CCDC146: variants seen among roughly 807,000 people sequenced by gnomAD.
CCDC146 encodes coiled-coil domain containing 146.
CCDC146 carries 92 observed loss-of-function variants against 119.3 expected under a neutral mutation model. That is an observed-to-expected ratio of 0.77 (90% CI 0.65 to 0.92). The LOEUF (loss-of-function observed/expected upper bound fraction) is 0.92. Among genes scored for constraint, CCDC146 ranks in the 40% least tolerant of loss-of-function variants. The pLI is 0.00. For synonymous variants in CCDC146, 372 were observed against 371.8 expected (o/e 1.00, Z -0.01); for missense variants, 1,000 against 1,103.0 (o/e 0.91, Z 1.32).
At chr7:77,158,678 C>A (rs547699616) in intron 1 of CCDC146, among the ~76,000 whole-genome samples, 106 of 152,112 alleles carry the variant, frequency 7.0e-4, no homozygotes, top group African/African-American at 2.5e-3. Flanking sequence ...CACCACCATG[C>A]CCGGCTAATT....
intron 2 of CCDC146, among the ~76,000 whole-genome samples, chr7:77,186,338 A>G (rs1453891951): frequency 6.6e-6 from 1 of 152,174 alleles, no homozygotes; most frequent in Non-Finnish European, 1.5e-5. Flanking sequence ...ATCATTTGCA[A>G]CAACATGGAT....
At chr7:77,219,734 A>G (rs1047079805) in intron 2 of CCDC146, among the ~76,000 whole-genome samples, 4 of 152,238 alleles carry the variant, frequency 2.6e-5, no homozygotes, top group Non-Finnish European at 5.9e-5. Context: ...TACAAAAGAA[A>G]GAAATTTTAC....
chr7:77,223,303 T>G (rs1016280799), intron 2 of CCDC146, among the ~76,000 whole-genome samples: 2 of 152,202 alleles, frequency 1.3e-5, no homozygotes, highest in Non-Finnish European at 2.9e-5. Flanking sequence ...TTTTATTTAT[T>G]TATCTTAAAA....
At position 77,152,935 on chromosome 7, in the gene CCDC146, C is replaced by T. The variant is rs147824955; in HGVS notation, c.-11-14723C>T. On this transcript the variant is annotated intron_variant, in intron 1 of 18. Coordinates refer to ENST00000285871, the MANE Select transcript of CCDC146 (RefSeq NM_020879.3). ...CATGCATTGTCCAATTTAATCCTCACAATAACACTGAAATCATCTTGCAGT... is the reference window on the plus strand; with the variant it reads ...CATGCATTGTCCAATTTAATCCTCATAATAACACTGAAATCATCTTGCAGT... Among the ~76,000 whole-genome samples, 552 of 152,304 alleles carry T rather than the reference C, an allele frequency of 3.6e-3. 3 individuals are homozygous for T. The highest frequency in any genetic ancestry group is 0.013 in the African/African-American group (542 of 41,560).
Position 77,286,845 on chromosome 7 carries a change from A to G in CCDC146, c.2196A>G (p.Val732=). ...DRIKDLEKQF[V]KPDGENRARF... is the part of the protein sequence containing the mutation. ...TTAAAGACCTGGAGAAACAGTTCGT[A>G]AAGCCTGATGGTGAGAATAGAGCTC... Residue 732 remains valine (V), a synonymous_variant, in exon 16 of 19, where the codon GTA becomes GTG. Transcript: ENST00000285871. 6.2e-7 allele frequency: 1 copy of G among 1,613,946 alleles called. No individual in the cohort carries two copies. The highest frequency in any genetic ancestry group is 8.5e-7 in the Non-Finnish European group (1 of 1,179,774).
intron 2 of CCDC146, among the ~76,000 whole-genome samples, chr7:77,208,415 A>G (rs752086505): frequency 1.3e-5 from 2 of 152,212 alleles, no homozygotes; most frequent in Non-Finnish European, 2.9e-5. Flanking sequence ...AAATCTGTAC[A>G]GTGTGCTAGC....
chr7:77,206,673 A>G (rs1202428432), intron 2 of CCDC146, among the ~76,000 whole-genome samples: 6 of 146,174 alleles, frequency 4.1e-5, no homozygotes, highest in Non-Finnish European at 7.5e-5. Flanking sequence ...ATATATATAT[A>G]CACACACACA....
rs367904177 is a variant in CCDC146, at chr7:77,148,949, T to C, written c.-11-18709T>C. 1.7e-3 allele frequency among the ~76,000 whole-genome samples: 260 copies of C among 152,298 alleles called. 11 individuals carry two copies. In the East Asian group the frequency reaches 0.045, roughly 27 times the overall value. On this transcript the variant is annotated intron_variant, in intron 1 of 18. Coordinates refer to ENST00000285871, the MANE Select transcript of CCDC146 (RefSeq NM_020879.3). ...AATGCTATCCCCATCAAGCTACCAT[T>C]GACTTTCTTCACAGAATTAGAAAAA...
At chr7:77,141,532 C>T (rs1361278038) in intron 1 of CCDC146, among the ~76,000 whole-genome samples, 1 of 152,220 alleles carries the variant, frequency 6.6e-6, no homozygotes, top group African/African-American at 2.4e-5. Flanking sequence ...TACACTCCCA[C>T]CAACACAGTA....
intron 11 of CCDC146, among the ~76,000 whole-genome samples, chr7:77,276,830 G>A (rs1008292835): frequency 1.4e-4 from 21 of 152,204 alleles, no homozygotes; most frequent in Admixed American, 7.8e-4. Context: ...CAACACGTTG[G>A]GAGGCCAAGG....
chr7:77,196,250 C>A lies in CCDC146; in HGVS notation c.156+28426C>A. 6.5e-7 allele frequency: 1 copy of A among 1,530,442 alleles called. No homozygotes were observed. The highest frequency in any genetic ancestry group is 8.9e-7 in the Non-Finnish European group (1 of 1,117,920). 94.8% of individuals were successfully genotyped at this position (1,530,442 alleles called of 1,614,324 possible). A position where few individuals can be genotyped will look rare whatever the true frequency, so the allele number is the denominator to read the frequency against. ...AGGAATTAATTGCCCTATTAGATAA[C>A]GAATACCTGGAGGAATGAACAGAGT... On this transcript the variant is annotated intron_variant, in intron 2 of 18. Transcript: ENST00000285871. The surrounding 1 kb of genome is among the most constrained non-coding windows in gnomAD (Gnocchi z 4.2).
intron 2 of CCDC146, among the ~76,000 whole-genome samples, chr7:77,187,712 G>A (rs1791692845): frequency 6.6e-6 from 1 of 152,184 alleles, no homozygotes; most frequent in African/African-American, 2.4e-5. Context: ...GTGCACCAGG[G>A]AGACTATCAC....
At chr7:77,287,357 G>A in intron 16 of CCDC146, 83 bp from the exon 17 acceptor site, 2 of 1,416,438 alleles carry the variant, frequency 1.4e-6, no homozygotes, top group Non-Finnish European at 2.0e-6. Flanking sequence ...GGGGGTAGGG[G>A]GAGATACTGC....
At chr7:77,249,125 A>G (rs547147041) in intron 4 of CCDC146, among the ~76,000 whole-genome samples, 1 of 152,288 alleles carries the variant, frequency 6.6e-6, no homozygotes, top group East Asian at 1.9e-4. Flanking sequence ...GAGTGGATTC[A>G]TCTACTTCTC....
chr7:77,136,082 C>T (rs866203393), intron 1 of CCDC146, among the ~76,000 whole-genome samples: 43 of 152,234 alleles, frequency 2.8e-4, no homozygotes, highest in African/African-American at 9.9e-4. Context: ...CAACTAAAAC[C>T]CTTTCAATTC....
At chr7:77,287,345 TG>T in intron 16 of CCDC146, 94 bp from the exon 17 acceptor site, 3 of 1,293,102 alleles carry the variant, frequency 2.3e-6, no homozygotes, top group South Asian at 1.3e-5. Flanking sequence ...AGGTATTTTG[TG>T]GGGGGTAGGG....
chr7:77,289,735 A>T (rs1793910211), intron 17 of CCDC146, among the ~76,000 whole-genome samples: 1 of 152,208 alleles, frequency 6.6e-6, no homozygotes, highest in African/African-American at 2.4e-5. Context: ...TCCCAACAGA[A>T]ATGGGAGCAG....
At chr7:77,277,019 C>CT (rs1793660144) in intron 11 of CCDC146, among the ~76,000 whole-genome samples, 2 of 152,100 alleles carry the variant, frequency 1.3e-5, no homozygotes, top group African/African-American at 4.8e-5. Flanking sequence ...TTGCAGTGAG[C>CT]TGAGATTGCG....
At chr7:77,192,739 A>G (rs893441617) in intron 2 of CCDC146, among the ~76,000 whole-genome samples, 3 of 152,244 alleles carry the variant, frequency 2.0e-5, no homozygotes, top group South Asian at 4.1e-4. Context: ...CCTGGCTAAC[A>G]TGGTGAAACC....
Sources: gnomAD v4.1 joint callset for allele counts (sites outside exome capture counted in the v4.1 genomes callset) on GRCh38, gnomAD v4.1.1 for gene constraint, Gnocchi (gnomAD v3.1) non-coding constraint, MANE v1.5 for transcripts, NCBI Gene and HGNC (gene_info 2026-07-23, HGNC 2026-07-21) for gene names.